ITSN1: variants seen among roughly 807,000 people sequenced by gnomAD.
ITSN1 encodes intersectin-1.
ITSN1 carries 58 observed loss-of-function variants against 239.8 expected under a neutral mutation model. The ratio of observed to expected loss-of-function variants is 0.24; its 90% CI spans 0.20 to 0.30. ITSN1 has a LOEUF of 0.30. ITSN1 is among the 10% of genes least tolerant of loss of function. The pLI is 1.00. For missense variants in ITSN1, 1,558 were observed against 2,103.3 expected, an observed-to-expected ratio of 0.74 and a Z score of 5.07; for synonymous variants, 780 against 770.8, an observed-to-expected ratio of 1.01 and a Z score of -0.20.
At chr21:33,817,534 G>T in intron 22 of ITSN1, 6 of 1,304,468 alleles carry the variant, frequency 4.6e-6, no homozygotes, top group Non-Finnish European at 6.1e-6. Context: ...CATTCTGCCA[G>T]GTGGTACACT....
intron 29 of ITSN1, chr21:33,837,935 A>G: frequency 2.0e-6 from 2 of 985,820 alleles, no homozygotes; most frequent in Non-Finnish European, 2.4e-6. Flanking sequence ...CTGTTACATG[A>G]AGTTTTATTC....
chr21:33,668,600 T>C (rs1324664577), intron 1 of ITSN1, among the ~76,000 whole-genome samples: 1 of 152,234 alleles, frequency 6.6e-6, no homozygotes, highest in Non-Finnish European at 1.5e-5. Context: ...CTAGGCAGTT[T>C]GCATGAAGGA....
chr21:33,799,727 T>C, intron 18 of ITSN1, 81 bp from the exon 19 acceptor site: 2 of 1,448,252 alleles, frequency 1.4e-6, no homozygotes, highest in Middle Eastern at 1.9e-4. Flanking sequence ...AGAGGAGAGG[T>C]TAGTTGTTTG....
Position 33,858,617 on chromosome 21 carries a change from G to A in ITSN1, c.3784-69G>A. On this transcript the variant is annotated intron_variant, in intron 30 of 39. Coordinates refer to ENST00000381318, the MANE Select transcript of ITSN1 (RefSeq NM_003024.3). Reference sequence around the variant, plus strand: ...CTGAGCCCTTTCCCTGCTCTCAGCGGATCGGCGTGTGAGTGTGTGAGTTTT... The same window carrying A: ...CTGAGCCCTTTCCCTGCTCTCAGCGAATCGGCGTGTGAGTGTGTGAGTTTT... 3 of 959,226 alleles carry A rather than the reference G, an allele frequency of 3.1e-6. No homozygotes were observed. The South Asian group carries it at 4.2e-5, about 13-fold the overall frequency. 59.4% of individuals were successfully genotyped at this position (959,226 alleles called of 1,614,324 possible).
intron 22 of ITSN1, among the ~76,000 whole-genome samples, chr21:33,816,469 G>A (rs1430807116): frequency 6.6e-6 from 1 of 152,178 alleles, no homozygotes; most frequent in Admixed American, 6.5e-5. Context: ...TTACAGATGT[G>A]GAAATCGAGA....
chr21:33,831,146 C>T (rs1291622560), intron 27 of ITSN1, among the ~76,000 whole-genome samples: 1 of 152,202 alleles, frequency 6.6e-6, no homozygotes, highest in African/African-American at 2.4e-5. Context: ...CCCGCATCCT[C>T]CCCCATCCAA....
chr21:33,845,273 G>A (rs569631377), intron 29 of ITSN1, among the ~76,000 whole-genome samples: 13 of 151,942 alleles, frequency 8.6e-5, no homozygotes, highest in Admixed American at 6.6e-4. Context: ...GGGGAGGCAC[G>A]TCCAAAGATC....
intron 9 of ITSN1, 115 bp from the exon 10 acceptor site, chr21:33,765,758 CAA>C: frequency 1.0e-6 from 1 of 1,001,184 alleles, no homozygotes; most frequent in South Asian, 1.5e-5. Context: ...AAATGAGGGA[CAA>C]AGAGACTCAG....
chr21:33,746,617 G>A (rs2067199340), intron 5 of ITSN1, among the ~76,000 whole-genome samples: 1 of 152,200 alleles, frequency 6.6e-6, no homozygotes, highest in Non-Finnish European at 1.5e-5. Context: ...GAGGCCTGTG[G>A]ATCACCTGAG....
Position 33,761,963 on chromosome 21 carries a change from A to G in ITSN1, c.765A>G (p.Pro255=). The G allele has an allele frequency of 1.9e-6, 3 of 1,613,818 alleles. No individual in the cohort carries two copies. Among genetic ancestry groups the G allele is most frequent in the Non-Finnish European group, 2.5e-6 (3 of 1,179,680 alleles). ...ARTILMQSSL[P]QAQLASIWNL... ...CTATTCTTATGCAGTCAAGTTTACC[A>G]CAGGCTCAGCTGGCTTCAATATGGT... Residue 255 remains proline, a synonymous_variant, in exon 9 of 40, where the codon CCA becomes CCG. Coordinates refer to ENST00000381318, the MANE Select transcript of ITSN1 (RefSeq NM_003024.3).
intron 29 of ITSN1, among the ~76,000 whole-genome samples, chr21:33,845,575 T>C (rs991016111): frequency 6.6e-6 from 1 of 151,846 alleles, no homozygotes; most frequent in African/African-American, 2.4e-5. Flanking sequence ...TAACCTTCCC[T>C]CTCCTCATTT....
At position 33,793,537 on chromosome 21, in the gene ITSN1, A is replaced by C. The variant is rs79338459; in HGVS notation, c.1825-804A>C. Among the ~76,000 whole-genome samples, 19 of 152,298 alleles carry C rather than the reference A, an allele frequency of 1.2e-4. No homozygotes were observed. The East Asian group carries it at 3.7e-3, about 29-fold the overall frequency. On this transcript the variant is annotated intron_variant, in intron 16 of 39. Coordinates refer to ENST00000381318, the MANE Select transcript of ITSN1 (RefSeq NM_003024.3). Reference sequence around the variant, plus strand: ...TTTCTTCCTCAGCAGACGTTTCCTTATTCTTCCTATTTTCAGGTGTCTAAA... The same window carrying C: ...TTTCTTCCTCAGCAGACGTTTCCTTCTTCTTCCTATTTTCAGGTGTCTAAA...
chr21:33,734,724 C>T (rs749434545), intron 4 of ITSN1, among the ~76,000 whole-genome samples: 3 of 152,084 alleles, frequency 2.0e-5, no homozygotes, highest in African/African-American at 7.2e-5. Flanking sequence ...CAGAGTTGTG[C>T]GACAGTCACT....
chr21:33,828,961 A>G (rs2148350378), intron 26 of ITSN1: 1 of 471,324 alleles, frequency 2.1e-6, no homozygotes, highest in South Asian at 1.6e-5. Context: ...TCCCTTCTTA[A>G]CTCCAGGTCC....
chr21:33,717,253 G>A (rs544390921), intron 1 of ITSN1, among the ~76,000 whole-genome samples: 2 of 151,416 alleles, frequency 1.3e-5, no homozygotes, highest in South Asian at 2.1e-4. Context: ...CTGGAGTACA[G>A]TGACACCGTC....
intron 16 of ITSN1, 102 bp downstream of exon 16, chr21:33,782,235 G>A: frequency 8.9e-7 from 1 of 1,122,782 alleles, no homozygotes; most frequent in Non-Finnish European, 1.3e-6. Flanking sequence ...AATTTATTAT[G>A]CCATTGTGAG....
At chr21:33,662,876 T>C (rs2089665550) in intron 1 of ITSN1, among the ~76,000 whole-genome samples, 1 of 152,228 alleles carries the variant, frequency 6.6e-6, no homozygotes, top group Non-Finnish European at 1.5e-5. Flanking sequence ...TTTTGTGAAC[T>C]AGATGACAAG....
intron 27 of ITSN1, 135 bp downstream of exon 27, chr21:33,829,880 C>G: frequency 1.0e-6 from 1 of 984,580 alleles, no homozygotes. Flanking sequence ...GTGAGAGATG[C>G]CAAATTTTCT....
At chr21:33,817,180 G>A (rs2073335547) in intron 22 of ITSN1, 2 of 1,249,812 alleles carry the variant, frequency 1.6e-6, no homozygotes, top group Non-Finnish European at 2.1e-6. Flanking sequence ...TACTGTAATG[G>A]TTTAATGCTA....
Sources: allele counts gnomAD v4.1 joint callset (sites outside exome capture counted in the v4.1 genomes callset), GRCh38; gene constraint gnomAD v4.1.1; transcripts MANE v1.5; gene names NCBI Gene and HGNC (gene_info 2026-07-23, HGNC 2026-07-21).